The following COL18A1 variants were observed in gnomAD, a reference collection of about 807,000 sequenced individuals.
The protein encoded by COL18A1 is collagen alpha-1(XVIII) chain.
In COL18A1, 133 loss-of-function variants were observed where a neutral mutation model predicts 168.0. The observed-to-expected ratio is 0.79, with a 90% CI of 0.69 to 0.91. The LOEUF is 0.91. Ranked by LOEUF, COL18A1 falls within the 40% of genes least tolerant of loss-of-function variation. The pLI is 0.00. For missense variants in COL18A1, 2,126 were observed against 1,925.4 expected (o/e 1.10, Z -1.95); for synonymous variants, 949 against 809.0 (o/e 1.17, Z -2.94).
At chr21:45,497,167 C>T (rs2036571268) in intron 31 of COL18A1, 75 bp downstream of exon 31, 4 of 982,376 alleles carry the variant, frequency 4.1e-6, no homozygotes, top group Non-Finnish European at 6.5e-6. Context: ...CCTTCCCGTG[C>T]CAGCAGCAGT....
Position 45,468,720 on chromosome 21 carries a change from G to A in COL18A1, c.585G>A (p.Leu195=), listed in dbSNP as rs760180765. ...RMPLARSSRG[L]ELEPGAGLFV... Reference sequence around the variant, plus strand: ...CGCTTGCTCGGTCCTCACGGGGCCTGGAGCTGGAGCCTGGCGCCGGGCTCT... The same window carrying A: ...CGCTTGCTCGGTCCTCACGGGGCCTAGAGCTGGAGCCTGGCGCCGGGCTCT... Residue 195 remains leucine, a synonymous_variant, in exon 3 of 42, where the codon CTG becomes CTA. Coordinates refer to ENST00000651438, the MANE Select transcript of COL18A1 (RefSeq NM_001379500.1). 1 of 1,612,236 alleles carries A rather than the reference G, an allele frequency of 6.2e-7. No individual in the cohort carries two copies. Among genetic ancestry groups the A allele is most frequent in the African/African-American group, 1.3e-5 (1 of 74,928 alleles).
chr21:45,506,952 A>T, intron 37 of COL18A1: 1 of 251,284 alleles, frequency 4.0e-6, no homozygotes, highest in Non-Finnish European at 8.1e-6. Flanking sequence ...GCTGGTGCCC[A>T]CTGTGTGCCA....
Position 45,418,773 on chromosome 21 carries a change from T to C in COL18A1, c.106+13300T>C, listed in dbSNP as rs139614593. On this transcript the variant is annotated intron_variant, in intron 2 of 41. Coordinates refer to ENST00000651438, the MANE Select transcript of COL18A1 (RefSeq NM_001379500.1). Reference sequence around the variant, plus strand: ...ACCTCCTCAGGGGCCTCCAAGGCTGTCTCTGCTTTAGCGTTGGGTTCCCGG... The same window carrying C: ...ACCTCCTCAGGGGCCTCCAAGGCTGCCTCTGCTTTAGCGTTGGGTTCCCGG... Among the ~76,000 whole-genome samples the C allele has an allele frequency of 2.8e-3, 134 of 47,294 alleles. 2 individuals are homozygous for C. Among genetic ancestry groups the C allele is most frequent in the African/African-American group, 0.012 (122 of 9,990 alleles). 31.0% of individuals were successfully genotyped at this position (47,294 alleles called of 152,430 possible).
intron 2 of COL18A1, among the ~76,000 whole-genome samples, chr21:45,446,965 T>G (rs984213586): frequency 2.6e-5 from 4 of 152,178 alleles, no homozygotes; most frequent in Non-Finnish European, 4.4e-5. Context: ...GAAAAACACT[T>G]AACAAGCTGG....
chr21:45,458,768 G>A (rs1345144208), intron 2 of COL18A1, among the ~76,000 whole-genome samples: 1 of 152,210 alleles, frequency 6.6e-6, no homozygotes, highest in East Asian at 1.9e-4. Flanking sequence ...GCAGCCTGTG[G>A]GAGGGGAAAC....
At chr21:45,422,942 C>T (rs936827914) in intron 2 of COL18A1, among the ~76,000 whole-genome samples, 1 of 152,098 alleles carries the variant, frequency 6.6e-6, no homozygotes, top group African/African-American at 2.4e-5. Flanking sequence ...CATGCACCAC[C>T]ATGTCCAGCT....
chr21:45,482,246 T>C (rs920953486), intron 14 of COL18A1: 8 of 622,804 alleles, frequency 1.3e-5, no homozygotes, highest in Non-Finnish European at 2.3e-5. Context: ...GACTCACGGG[T>C]TTTAAGAACA....
chr21:45,445,385 C>T (rs756915200), intron 2 of COL18A1, among the ~76,000 whole-genome samples: 5 of 152,214 alleles, frequency 3.3e-5, no homozygotes, highest in Non-Finnish European at 7.3e-5. Flanking sequence ...GCGGTGTCCA[C>T]CTTTTAGCTG....
chr21:45,485,126 G>A (rs1299813391), intron 15 of COL18A1, among the ~76,000 whole-genome samples: 6 of 143,690 alleles, frequency 4.2e-5, no homozygotes, highest in Non-Finnish European at 3.0e-5. Context: ...GGGACTACAG[G>A]CATCTGCCAC....
In COL18A1 at chr21:45,459,543, G is replaced by A. The variant is rs150795800; in HGVS notation, c.107-8699G>A. Among the ~76,000 whole-genome samples, 42 of 152,326 alleles carry A rather than the reference G, an allele frequency of 2.8e-4. No homozygotes were observed. The East Asian group carries it at 6.9e-3, about 25-fold the overall frequency. On this transcript the variant is annotated intron_variant, in intron 2 of 41. Transcript: ENST00000651438. The stretch of plus-strand genomic sequence containing the variant: ...GGGCACTGCCCTGTGTGTCCACCCC[G>A]CCGGCCCACCTCGAGGAGAGTGTGG...
chr21:45,416,922 G>A (rs1257675589), intron 2 of COL18A1, among the ~76,000 whole-genome samples: 1 of 152,212 alleles, frequency 6.6e-6, no homozygotes, highest in African/African-American at 2.4e-5. Flanking sequence ...TCTCGAGAGA[G>A]TGACAGTGCT....
rs2036612242 is a variant in COL18A1, at chr21:45,498,310, C to T, written c.2683+649C>T. The T allele has an allele frequency of 2.9e-6, 2 of 696,198 alleles. No homozygotes were observed. The highest frequency in any genetic ancestry group is 2.6e-6 in the Non-Finnish European group (1 of 377,894). 43.1% of individuals were successfully genotyped at this position (696,198 alleles called of 1,614,324 possible). A position where few individuals can be genotyped will look rare whatever the true frequency, so the allele number is the denominator to read the frequency against. On this transcript the variant is annotated intron_variant, in intron 32 of 41. Coordinates refer to ENST00000651438, the MANE Select transcript of COL18A1 (RefSeq NM_001379500.1). This position sits in a 1 kb window ranked among gnomAD's most constrained non-coding sequence, Gnocchi z 4.5. ...TCACCACCAGGGTCCCCTCTCGCCG[C>T]CACGGTCCCCTCTCGCCGCCAGGGT...
chr21:45,470,110 T>C (rs1353163910), intron 3 of COL18A1, among the ~76,000 whole-genome samples: 1 of 152,266 alleles, frequency 6.6e-6, no homozygotes, highest in Non-Finnish European at 1.5e-5. Flanking sequence ...TGTGCCCCGA[T>C]GGTGCTAGGG....
At chr21:45,509,319 TCCC>T (rs749103235) in intron 38 of COL18A1, 34 bp from the exon 39 acceptor site, 3 of 1,533,898 alleles carry the variant, frequency 2.0e-6, no homozygotes, top group Non-Finnish European at 2.6e-6. Context: ...ACCCGGAGGG[TCCC>T]CCCGCCGACA....
chr21:45,489,695 C>T (rs1443576031), intron 19 of COL18A1, among the ~76,000 whole-genome samples, 174 bp downstream of exon 19: 1 of 151,954 alleles, frequency 6.6e-6, no homozygotes, highest in Non-Finnish European at 1.5e-5. Flanking sequence ...TACCCACCTG[C>T]AGGGCACCCA....
In COL18A1 at chr21:45,468,394, CTCT is replaced by C. The variant is rs772443197; in HGVS notation, c.265_267del (p.Phe89del). 11 of 1,613,916 alleles carry C rather than the reference CTCT, an allele frequency of 6.8e-6. No individual in the cohort carries two copies. Among genetic ancestry groups the C allele is most frequent in the Non-Finnish European group, 9.3e-6 (11 of 1,180,056 alleles). On this transcript the variant is annotated inframe_deletion, in exon 3 of 42. Coordinates refer to ENST00000651438, the MANE Select transcript of COL18A1 (RefSeq NM_001379500.1). ...AGTGGCCCGGTACCACTTCCCCAGC[CTCT>C]TCTTCCGTGACTTCTCACTGCTGTT...
At chr21:45,499,653 C>T (rs1462192701) in intron 32 of COL18A1, among the ~76,000 whole-genome samples, 1 of 152,256 alleles carries the variant, frequency 6.6e-6, no homozygotes, top group African/African-American at 2.4e-5. Flanking sequence ...CATGGTGTCC[C>T]ATCGTCAGTG....
chr21:45,484,822 A>G (rs73370819), intron 15 of COL18A1, among the ~76,000 whole-genome samples: 17,874 of 152,274 alleles, frequency 0.12, 1,682 homozygotes, highest in African/African-American at 0.26. Context: ...TGAGTTAAGC[A>G]GGGGAGGAAT....
intron 5 of COL18A1, 33 bp from the exon 6 acceptor site, chr21:45,476,318 G>T: frequency 1.9e-6 from 3 of 1,613,244 alleles, no homozygotes; most frequent in Non-Finnish European, 2.5e-6. Flanking sequence ...TCTGCCGGCC[G>T]AATAACAGGC....
Sources: gnomAD v4.1 joint callset for allele counts (sites outside exome capture counted in the v4.1 genomes callset) on GRCh38, gnomAD v4.1.1 for gene constraint, Gnocchi (gnomAD v3.1) non-coding constraint, MANE v1.5 for transcripts, NCBI Gene and HGNC (gene_info 2026-07-23, HGNC 2026-07-21) for gene names.